The following PTPRN2 variants were observed in gnomAD, a reference collection of about 807,000 sequenced individuals.
The protein encoded by PTPRN2 is receptor-type tyrosine-protein phosphatase N2.
A neutral mutation model predicts 118.8 loss-of-function variants in PTPRN2; 74 were observed. That is an observed-to-expected ratio of 0.62 (90% CI 0.52 to 0.76). PTPRN2 has a LOEUF of 0.76. PTPRN2 is among the 30% of genes least tolerant of loss of function. The pLI, the probability that PTPRN2 is intolerant of heterozygous loss-of-function variation, is 0.00. For missense variants in PTPRN2, 1,481 were observed against 1,394.4 expected, an observed-to-expected ratio of 1.06 and a Z score of -0.99; for synonymous variants, 641 against 608.0, an observed-to-expected ratio of 1.05 and a Z score of -0.80.
Position 157,764,274 on chromosome 7 carries a change from C to T in PTPRN2, c.1789-81337G>A, listed in dbSNP as rs930504640. On this transcript the variant is annotated intron_variant, in intron 12 of 22. Transcript: ENST00000389418. This position sits in a 1 kb window ranked among gnomAD's most constrained non-coding sequence, Gnocchi z 4.5. ...ATGCAGTGACTCAGAGAGAGATTCG[C>T]ACGCCCATGTTCATAGCAGCAGCGC... 1.3e-5 allele frequency among the ~76,000 whole-genome samples: 2 copies of T among 152,200 alleles called. No homozygotes were observed. The highest frequency in any genetic ancestry group is 6.5e-5 in the Admixed American group (1 of 15,278).
chr7:157,866,107 A>C (rs1287538997), intron 12 of PTPRN2: 1 of 152,110 alleles, frequency 6.6e-6, no homozygotes, highest in Non-Finnish European at 1.5e-5. Context: ...AGTCAAATGC[A>C]CCTTTGTGGT....
intron 11 of PTPRN2, among the ~76,000 whole-genome samples, chr7:158,017,584 A>G (rs1029349177): frequency 1.6e-4 from 24 of 152,306 alleles, no homozygotes; most frequent in African/African-American, 4.6e-4. Context: ...CCTCATTTCT[A>G]TGTTAACCAC....
At chr7:158,549,576 T>G (rs1826513879) in intron 1 of PTPRN2, among the ~76,000 whole-genome samples, 1 of 152,288 alleles carries the variant, frequency 6.6e-6, no homozygotes, top group Non-Finnish European at 1.5e-5. Flanking sequence ...CTGCGGAGGC[T>G]GGGCTTCGCC....
At chr7:158,578,129 G>A (rs908439534) in intron 1 of PTPRN2, among the ~76,000 whole-genome samples, 7 of 152,126 alleles carry the variant, frequency 4.6e-5, no homozygotes, top group South Asian at 4.1e-4. Flanking sequence ...ACTAAAAAAC[G>A]TGCTCTGAAT....
rs182756402 is a variant in PTPRN2, at chr7:158,008,225, G to C, written c.1723+73073C>G. ...GCATGTGCATACACACTGCCTGATG[G>C]GTTCTGAGGAATGAACGGATCCATG... On this transcript the variant is annotated intron_variant, in intron 11 of 22. Transcript: ENST00000389418. Among the ~76,000 whole-genome samples the C allele has an allele frequency of 3.3e-5, 5 of 152,180 alleles. No homozygotes were observed. The East Asian group carries it at 9.7e-4, about 29-fold the overall frequency.
At chr7:158,332,729 T>C (rs1463734977) in intron 2 of PTPRN2, among the ~76,000 whole-genome samples, 1 of 150,422 alleles carries the variant, frequency 6.6e-6, no homozygotes. Context: ...ACACCCACAC[T>C]CTCACCATAA....
intron 2 of PTPRN2, among the ~76,000 whole-genome samples, chr7:158,320,559 G>A (rs559663939): frequency 2.1e-5 from 3 of 143,354 alleles, no homozygotes; most frequent in African/African-American, 3.0e-5. Context: ...CGGCAGCGCC[G>A]GGTGGCGTCC....
rs1585507740 is a variant in PTPRN2 at position 157,801,896 on chromosome 7, G to A, written c.1788+96777C>T. ...AACACAGATTTATTCTCTCACAGGA[G>A]GCCACGGTCCAGATGGGTTTCACTG... On this transcript the variant is annotated intron_variant, in intron 12 of 22. Transcript: ENST00000389418. This position sits in a 1 kb window ranked among gnomAD's most constrained non-coding sequence, Gnocchi z 4.2. 6.6e-6 allele frequency among the ~76,000 whole-genome samples: 1 copy of A among 152,300 alleles called. No individual in the cohort carries two copies. The highest frequency in any genetic ancestry group is 1.5e-5 in the Non-Finnish European group (1 of 68,026).
At chr7:157,943,131 T>G (rs1800248812) in intron 11 of PTPRN2, among the ~76,000 whole-genome samples, 1 of 152,130 alleles carries the variant, frequency 6.6e-6, no homozygotes, top group Admixed American at 6.5e-5. Context: ...TGCTCCAAAA[T>G]TCAAAGGAGG....
In PTPRN2 at chr7:157,831,196, G is replaced by C. The variant is rs1807539154; in HGVS notation, c.1788+67477C>G. ...GTGAGCCCAGCTGTGGGGAGGAACTGCTCGGGCCCTGCAGCATCTTACAAG... is the reference window on the plus strand; with the variant it reads ...GTGAGCCCAGCTGTGGGGAGGAACTCCTCGGGCCCTGCAGCATCTTACAAG... On this transcript the variant is annotated intron_variant, in intron 12 of 22. Coordinates refer to ENST00000389418, the MANE Select transcript of PTPRN2 (RefSeq NM_002847.5). The surrounding 1 kb of genome is among the most constrained non-coding windows in gnomAD (Gnocchi z 4.8). Among the ~76,000 whole-genome samples, 1 of 152,188 alleles carries C rather than the reference G, an allele frequency of 6.6e-6. No individual in the cohort carries two copies. The highest frequency in any genetic ancestry group is 1.5e-5 in the Non-Finnish European group (1 of 68,042).
intron 12 of PTPRN2, among the ~76,000 whole-genome samples, chr7:157,773,671 G>A (rs1227649607): frequency 5.3e-5 from 8 of 152,248 alleles, no homozygotes; most frequent in Non-Finnish European, 1.2e-4. Context: ...CCCTCTGTCT[G>A]TGTTGCCTCT....
At chr7:158,314,525 A>G (rs1802129498) in intron 3 of PTPRN2, among the ~76,000 whole-genome samples, 1 of 152,216 alleles carries the variant, frequency 6.6e-6, no homozygotes, top group African/African-American at 2.4e-5. Flanking sequence ...TGCGCACAGC[A>G]CCCCATCGCC....
At chr7:158,369,288 CACATAT>C (rs775255746) in intron 2 of PTPRN2, among the ~76,000 whole-genome samples, 71 of 143,144 alleles carry the variant, frequency 5.0e-4, no homozygotes, top group Admixed American at 2.8e-4. Context: ...CACACACACA[CACATAT>C]ATATACCTAT....
intron 12 of PTPRN2, among the ~76,000 whole-genome samples, chr7:157,871,356 T>C (rs945194193): frequency 6.6e-6 from 1 of 152,152 alleles, no homozygotes; most frequent in Non-Finnish European, 1.5e-5. Flanking sequence ...CAGGCTGACA[T>C]ATGAGAACTG....
At chr7:157,589,151 T>C (rs1800845468) in intron 17 of PTPRN2, among the ~76,000 whole-genome samples, 1 of 152,144 alleles carries the variant, frequency 6.6e-6, no homozygotes. Flanking sequence ...ACCCCCTAGA[T>C]TCATACTAGG....
chr7:158,155,950 C>T (rs183402717), intron 6 of PTPRN2, among the ~76,000 whole-genome samples: 27 of 152,264 alleles, frequency 1.8e-4, no homozygotes, highest in East Asian at 1.2e-3. Flanking sequence ...AGCTCATTAT[C>T]GCATTCTCTC....
At chr7:158,247,862 C>T (rs887577205) in intron 3 of PTPRN2, among the ~76,000 whole-genome samples, 1 of 152,222 alleles carries the variant, frequency 6.6e-6, no homozygotes, top group South Asian at 2.1e-4. Flanking sequence ...GTGATCCACC[C>T]ACCTTGGCCT....
chr7:157,896,270 C>T (rs1797108833), intron 12 of PTPRN2, among the ~76,000 whole-genome samples: 1 of 151,794 alleles, frequency 6.6e-6, no homozygotes, highest in Non-Finnish European at 1.5e-5. Context: ...AGATGAAACC[C>T]AGATCCCCTG....
At chr7:157,962,460 GTC>G (rs1308181259) in intron 11 of PTPRN2, among the ~76,000 whole-genome samples, 1 of 152,212 alleles carries the variant, frequency 6.6e-6, no homozygotes, top group Non-Finnish European at 1.5e-5. Flanking sequence ...TCACCAGCAG[GTC>G]TCTCATTATT....
Sources: allele counts gnomAD v4.1 joint callset (sites outside exome capture counted in the v4.1 genomes callset), GRCh38; gene constraint gnomAD v4.1.1; non-coding constraint Gnocchi (gnomAD v3.1); transcripts MANE v1.5; gene names NCBI Gene and HGNC (gene_info 2026-07-23, HGNC 2026-07-21).